The following FYB1 variants were observed in gnomAD, a reference collection of about 807,000 sequenced individuals.
The protein encoded by FYB1 is FYN binding protein 1, also known as FYN-binding protein 1.
A neutral mutation model predicts 94.1 loss-of-function variants in FYB1; 41 were observed. The observed-to-expected ratio is 0.44, with a 90% CI of 0.34 to 0.57. The LOEUF (loss-of-function observed/expected upper bound fraction) is 0.57. Ranked by LOEUF, FYB1 falls within the 20% of genes least tolerant of loss-of-function variation. The pLI, the probability that FYB1 is intolerant of heterozygous loss-of-function variation, is 0.02. For synonymous variants in FYB1, 367 were observed against 353.2 expected (o/e 1.04, Z -0.44); for missense variants, 1,050 against 976.8 (o/e 1.07, Z -1.00).
intron 2 of FYB1, among the ~76,000 whole-genome samples, chr5:39,172,566 C>G (rs1349314337): frequency 6.6e-6 from 1 of 152,190 alleles, no homozygotes; most frequent in Non-Finnish European, 1.5e-5. Context: ...ATCACTCAAC[C>G]AACAGGTGGT....
intron 2 of FYB1, among the ~76,000 whole-genome samples, chr5:39,181,767 T>C (rs1053034673): frequency 1.3e-5 from 2 of 152,310 alleles, no homozygotes; most frequent in South Asian, 4.1e-4. Flanking sequence ...TCCATTATTT[T>C]CTAGTGTAAG....
In FYB1 at chr5:39,118,991, A is replaced by C; in HGVS notation, c.2284T>G (p.Ser762Ala). 1 of 1,537,946 alleles carries C rather than the reference A, an allele frequency of 6.5e-7. No homozygotes were observed. Among genetic ancestry groups the C allele is most frequent in the South Asian group, 1.2e-5 (1 of 81,728 alleles). The change falls in exon 16 of 19, where the codon TCC (serine) becomes GCC (alanine). Residue 762 changes from serine (S) to alanine (A), a missense_variant. By Grantham distance (99) the Ser-to-Ala change is moderately conservative. Transcript: ENST00000512982. ...GTTCCCCACTTTTTAGAAGTTATGG[A>C]AGTTGTAACTTTAGTTGAATATAGG... is the stretch of plus-strand genomic sequence containing the variant. ...RVLYSTKVTT[S>A]ITSKKWGTRD...
chr5:39,210,430 G>GA (rs1749259531), intron 1 of FYB1, among the ~76,000 whole-genome samples: 1 of 152,252 alleles, frequency 6.6e-6, no homozygotes, highest in Non-Finnish European at 1.5e-5. Flanking sequence ...CTTCCAGAGT[G>GA]AATTAGAGCA....
chr5:39,244,102 G>C (rs835174), intron 1 of FYB1, among the ~76,000 whole-genome samples: 25,314 of 151,646 alleles, frequency 0.17, 5,679 homozygotes, highest in African/African-American at 0.49. Context: ...GACAATTTGA[G>C]TTCCTCTTTT....
intron 2 of FYB1, among the ~76,000 whole-genome samples, chr5:39,185,433 AGT>A (rs1485230106): frequency 4.6e-5 from 7 of 151,450 alleles, no homozygotes; most frequent in African/African-American, 1.7e-4. Flanking sequence ...AAAAGTTCCC[AGT>A]CAAGATGGTA....
chr5:39,248,156 AT>A (rs954631462), intron 1 of FYB1, among the ~76,000 whole-genome samples: 1 of 152,214 alleles, frequency 6.6e-6, no homozygotes, highest in African/African-American at 2.4e-5. Flanking sequence ...CATGTTGAAA[AT>A]AAGTTTGAAT....
At chr5:39,261,044 A>G (rs1752186707) in intron 1 of FYB1, among the ~76,000 whole-genome samples, 1 of 152,112 alleles carries the variant, frequency 6.6e-6, no homozygotes, top group Non-Finnish European at 1.5e-5. Flanking sequence ...ATATTGAATA[A>G]TCTTAGAGAT....
intron 2 of FYB1, among the ~76,000 whole-genome samples, chr5:39,158,565 C>T (rs1029066138): frequency 5.9e-5 from 9 of 152,178 alleles, no homozygotes; most frequent in African/African-American, 2.2e-4. Context: ...AATTGTATTA[C>T]TTCACAAACT....
chr5:39,190,928 C>A (rs1367068865), intron 2 of FYB1, among the ~76,000 whole-genome samples: 1 of 152,064 alleles, frequency 6.6e-6, no homozygotes, highest in African/African-American at 2.4e-5. Context: ...TGACTGAGAG[C>A]ACATGAGGCA....
chr5:39,260,361 G>A (rs1752159917), intron 1 of FYB1, among the ~76,000 whole-genome samples: 1 of 152,174 alleles, frequency 6.6e-6, no homozygotes, highest in African/African-American at 2.4e-5. Flanking sequence ...TGTTACAACA[G>A]TAGAGTTCAA....
chr5:39,176,297 C>T (rs1181645162), intron 2 of FYB1, among the ~76,000 whole-genome samples: 19 of 151,554 alleles, frequency 1.3e-4, no homozygotes, highest in African/African-American at 3.2e-4. Flanking sequence ...ATTACAGGTG[C>T]GCACCACCAG....
At chr5:39,119,164 G>A (rs1177998164) in intron 15 of FYB1, 128 bp from the exon 16 acceptor site, 6 of 492,122 alleles carry the variant, frequency 1.2e-5, no homozygotes, top group South Asian at 1.0e-4. Context: ...ATATAATGTA[G>A]GAATATTAAA....
At chr5:39,159,602 C>A (rs1744067532) in intron 2 of FYB1, among the ~76,000 whole-genome samples, 2 of 152,198 alleles carry the variant, frequency 1.3e-5, no homozygotes, top group African/African-American at 4.8e-5. Flanking sequence ...TCTTATTTTA[C>A]TAAGAACATG....
intron 1 of FYB1, among the ~76,000 whole-genome samples, chr5:39,248,115 C>T (rs1413473465): frequency 6.6e-6 from 1 of 151,918 alleles, no homozygotes; most frequent in Non-Finnish European, 1.5e-5. Flanking sequence ...CTTCATTTGT[C>T]AAAGAACTAT....
chr5:39,207,446 C>T (rs548301587), intron 1 of FYB1, among the ~76,000 whole-genome samples: 11 of 152,270 alleles, frequency 7.2e-5, no homozygotes, highest in East Asian at 1.9e-4. Flanking sequence ...AAAATGCTTT[C>T]GTTACAACCT....
chr5:39,227,786 T>C (rs1289464436), intron 1 of FYB1, among the ~76,000 whole-genome samples: 1 of 152,140 alleles, frequency 6.6e-6, no homozygotes, highest in Non-Finnish European at 1.5e-5. Context: ...AAGAAAAAAT[T>C]TCAACTCCTT....
chr5:39,241,344 G>A (rs968494555), intron 1 of FYB1, among the ~76,000 whole-genome samples: 1 of 151,998 alleles, frequency 6.6e-6, no homozygotes, highest in African/African-American at 2.4e-5. Context: ...AATAAATAAG[G>A]CATCACTACA....
chr5:39,137,526 A>C, intron 7 of FYB1, 74 bp downstream of exon 7: 1 of 1,476,966 alleles, frequency 6.8e-7, no homozygotes, highest in Non-Finnish European at 9.0e-7. Context: ...GTAAGTTTTC[A>C]AGAATGGTAC....
intron 1 of FYB1, 136 bp from the exon 2 acceptor site, chr5:39,203,123 A>T (rs974681838): frequency 1.4e-6 from 1 of 697,542 alleles, no homozygotes; most frequent in East Asian, 2.7e-5. Context: ...TGTAACATTT[A>T]TCTTCCTCTC....
Sources: allele counts gnomAD v4.1 joint callset (sites outside exome capture counted in the v4.1 genomes callset), GRCh38; gene constraint gnomAD v4.1.1; transcripts MANE v1.5; gene names NCBI Gene and HGNC (gene_info 2026-07-23, HGNC 2026-07-21).